Variants in FMNL3 observed in about 807,000 individuals in gnomAD.
FMNL3 encodes the protein formin-like protein 3.
Under a neutral mutation model 119.6 loss-of-function variants are expected in FMNL3, and 57 were observed. The observed-to-expected ratio is 0.48, with a 90% CI of 0.39 to 0.59. The LOEUF (loss-of-function observed/expected upper bound fraction) is 0.59, where lower values mean the gene tolerates loss of function less well. Among genes scored for constraint, FMNL3 ranks in the 20% least tolerant of loss-of-function variants. FMNL3 has a pLI of 0.00. For synonymous variants in FMNL3, 491 were observed against 507.3 expected, an observed-to-expected ratio of 0.97 and a Z score of 0.43; for missense variants, 1,053 against 1,323.5, an observed-to-expected ratio of 0.80 and a Z score of 3.17.
Position 49,637,649 on chromosome 12 carries a change from C to T in FMNL3, c.*8166G>A. ...TGCCCTGCCAGCCTCTCTGCACCCC[C>T]TACTACCGGCTCCTGTCCTCGGCCC... On this transcript the variant is annotated 3_prime_UTR_variant, in exon 26 of 26. Coordinates refer to ENST00000335154, the MANE Select transcript of FMNL3 (RefSeq NM_175736.5). The T allele has an allele frequency of 6.4e-7, 1 of 1,565,382 alleles. No individual in the cohort carries two copies. Among genetic ancestry groups the T allele is most frequent in the East Asian group, 2.2e-5 (1 of 44,514 alleles).
chr12:49,685,935 C>T (rs1338888468), intron 1 of FMNL3, among the ~76,000 whole-genome samples: 1 of 152,012 alleles, frequency 6.6e-6, no homozygotes, highest in African/African-American at 2.4e-5. Context: ...GGCTTGGTGG[C>T]GGGCGCCTGT....
intron 25 of FMNL3, among the ~76,000 whole-genome samples, chr12:49,646,167 C>G (rs897627433): frequency 6.6e-6 from 1 of 152,064 alleles, no homozygotes; most frequent in African/African-American, 2.4e-5. Context: ...TCAGAAAGAG[C>G]CAGAAACTAG....
At chr12:49,663,201 C>T (rs182400975) in intron 4 of FMNL3, among the ~76,000 whole-genome samples, 1 of 152,238 alleles carries the variant, frequency 6.6e-6, no homozygotes, top group Non-Finnish European at 1.5e-5. Context: ...CTCCCCACCC[C>T]CTTCTCATTT....
rs572965631 is a variant in FMNL3 at position 49,698,178 on chromosome 12, CAG to C, written c.126+8875_126+8876del. On this transcript the variant is annotated intron_variant, in intron 1 of 25. Transcript: ENST00000335154. ...CTGAATTTGAGTAGAAATGAGCAAA[CAG>C]GGGAGAAACAAAGTACGTATCTTCC... Among the ~76,000 whole-genome samples the C allele has an allele frequency of 9.3e-4, 142 of 152,230 alleles. 1 individual carries two copies. In the Middle Eastern group the frequency reaches 0.017, roughly 18 times the overall value.
At position 49,657,110 on chromosome 12, in the gene FMNL3, A is replaced by G; in HGVS notation, c.686T>C (p.Leu229Pro). 6.2e-7 allele frequency: 1 copy of G among 1,614,152 alleles called. No homozygotes were observed. Among genetic ancestry groups the G allele is most frequent in the Non-Finnish European group, 8.5e-7 (1 of 1,180,028 alleles). ...SQKDDVHVCI[L>P]CLRAIMNYQY... The stretch of plus-strand genomic sequence containing the variant: ...ATAGTTCATGATGGCTCTGAGACAA[A>G]GGATACAGACGTGGACGTCATCCTT... The change falls in exon 7 of 26, where the codon CTT (leucine) becomes CCT (proline). Residue 229 changes from leucine to proline, a missense_variant. This residue lies in a region of FMNL3 where 445 missense variants were observed against 628.4 expected (regional missense o/e 0.71). Transcript: ENST00000335154.
Position 49,636,598 on chromosome 12 carries a change from C to G in FMNL3, c.*9217G>C. On this transcript the variant is annotated 3_prime_UTR_variant, in exon 26 of 26. Transcript: ENST00000335154. ...CAGAGCCCCCTCCAGGCCCTTCCCC[C>G]ACCACCCTGGGTATCCCTAGCACCT... The G allele has an allele frequency of 6.9e-7, 1 of 1,439,734 alleles. No individual in the cohort carries two copies. Among genetic ancestry groups the G allele is most frequent in the Non-Finnish European group, 9.5e-7 (1 of 1,050,376 alleles). 89.2% of individuals were successfully genotyped at this position (1,439,734 alleles called of 1,614,324 possible).
In FMNL3 at chr12:49,647,855, G is replaced by A. The variant is rs750555632; in HGVS notation, c.2677-51C>T. On this transcript the variant is annotated intron_variant, in intron 22 of 25. Transcript: ENST00000335154. The surrounding 1 kb of genome is among the most constrained non-coding windows in gnomAD (Gnocchi z 4.9). ...TCACCCTGGCAGGAAGATCAGCCCAGCTCCCACACCACGGATGAGAGGCCT... is the reference window on the plus strand; with the variant it reads ...TCACCCTGGCAGGAAGATCAGCCCAACTCCCACACCACGGATGAGAGGCCT... 10 of 1,407,552 alleles carry A rather than the reference G, an allele frequency of 7.1e-6. No individual in the cohort carries two copies. Among genetic ancestry groups the A allele is most frequent in the Admixed American group, 1.7e-5 (1 of 58,894 alleles). 87.2% of individuals were successfully genotyped at this position (1,407,552 alleles called of 1,614,324 possible). A position where few individuals can be genotyped will look rare whatever the true frequency, so the allele number is the denominator to read the frequency against.
At chr12:49,681,768 G>C (rs1944342342) in intron 1 of FMNL3, among the ~76,000 whole-genome samples, 1 of 149,296 alleles carries the variant, frequency 6.7e-6, no homozygotes, top group Non-Finnish European at 1.5e-5. Flanking sequence ...ATGTTGCCCA[G>C]GCTGAACTTG....
At chr12:49,650,976 T>C in intron 16 of FMNL3, 98 bp from the exon 17 acceptor site, 1 of 1,492,958 alleles carries the variant, frequency 6.7e-7, no homozygotes, top group South Asian at 1.2e-5. Flanking sequence ...TCTGTCACTC[T>C]GGAATATTTC....
chr12:49,646,544 G>T, intron 25 of FMNL3: 1 of 980,662 alleles, frequency 1.0e-6, no homozygotes, highest in Non-Finnish European at 1.5e-6. Flanking sequence ...GCCAGAGGGT[G>T]ATTGCAAGTC....
chr12:49,644,165 C>A lies in FMNL3; in HGVS notation c.*1650G>T, dbSNP rs1256235403. 6.2e-7 allele frequency: 1 copy of A among 1,614,104 alleles called. No individual in the cohort carries two copies. The highest frequency in any genetic ancestry group is 1.1e-5 in the South Asian group (1 of 91,078). On this transcript the variant is annotated 3_prime_UTR_variant, in exon 26 of 26. Coordinates refer to ENST00000335154, the MANE Select transcript of FMNL3 (RefSeq NM_175736.5). The stretch of plus-strand genomic sequence containing the variant: ...AGCTGGAGAGGCGGCGGCGGACACT[C>A]CTACAGCAGCTGGATGATCACCAGT...
intron 1 of FMNL3, among the ~76,000 whole-genome samples, chr12:49,675,532 A>T (rs919442986): frequency 5.3e-5 from 8 of 152,196 alleles, no homozygotes; most frequent in African/African-American, 1.9e-4. Flanking sequence ...TTCTGGGGTC[A>T]CAACTCCCTT....
rs1285303014 is a variant in FMNL3 at position 49,640,946 on chromosome 12, A to G, written c.*4869T>C. 6.6e-6 allele frequency: 1 copy of G among 152,184 alleles called. No homozygotes were observed. 9.4% of individuals were successfully genotyped at this position (152,184 alleles called of 1,614,324 possible). A position where few individuals can be genotyped will look rare whatever the true frequency, so the allele number is the denominator to read the frequency against. On this transcript the variant is annotated 3_prime_UTR_variant, in exon 26 of 26. Coordinates refer to ENST00000335154, the MANE Select transcript of FMNL3 (RefSeq NM_175736.5). Reference sequence around the variant, plus strand: ...ATGCTGTGTTGATAAGGACTGTAGCAGGGTTGAGGAAGTACCCTTGGAAAG... The same window carrying G: ...ATGCTGTGTTGATAAGGACTGTAGCGGGGTTGAGGAAGTACCCTTGGAAAG...
Position 49,641,476 on chromosome 12 carries a change from A to C in FMNL3, c.*4339T>G, listed in dbSNP as rs1942640569. ...AGAACCAAGAGGATTAAATGAGATA[A>C]TGTGTGAAACACTCATCATGGTACC... On this transcript the variant is annotated 3_prime_UTR_variant, in exon 26 of 26. Transcript: ENST00000335154. 1 of 167,772 alleles carries C rather than the reference A, an allele frequency of 6.0e-6. No homozygotes were observed. Among genetic ancestry groups the C allele is most frequent in the Non-Finnish European group, 1.3e-5 (1 of 77,550 alleles). 10.4% of individuals were successfully genotyped at this position (167,772 alleles called of 1,614,324 possible). A position where few individuals can be genotyped will look rare whatever the true frequency, so the allele number is the denominator to read the frequency against.
At chr12:49,689,674 C>G (rs948142536) in intron 1 of FMNL3, among the ~76,000 whole-genome samples, 2 of 152,212 alleles carry the variant, frequency 1.3e-5, no homozygotes, top group African/African-American at 4.8e-5. Flanking sequence ...CATGATCACA[C>G]TATTGCACTT....
chr12:49,695,242 C>T lies in FMNL3; in HGVS notation c.126+11813G>A, dbSNP rs191076208. Among the ~76,000 whole-genome samples the T allele has an allele frequency of 6.9e-4, 105 of 152,152 alleles. 2 individuals carry two copies. The highest frequency in any genetic ancestry group is 6.8e-3 in the Middle Eastern group (2 of 294). On this transcript the variant is annotated intron_variant, in intron 1 of 25. Transcript: ENST00000335154. ...GAATCTGTTCTTCCCATCATGGTTC[C>T]TCCCCTAACCCTGAATCCCAGAGGT...
chr12:49,645,968 G>A, intron 25 of FMNL3, 65 bp from the exon 26 acceptor site: 1 of 1,461,248 alleles, frequency 6.8e-7, no homozygotes, highest in African/African-American at 1.4e-5. Context: ...GCCCTCAAGA[G>A]CAGCCCCACA....
At position 49,668,503 on chromosome 12, in the gene FMNL3, T is replaced by C; in HGVS notation, c.178A>G (p.Asn60Asp). 1 of 1,614,186 alleles carries C rather than the reference T, an allele frequency of 6.2e-7. No individual in the cohort carries two copies. The highest frequency in any genetic ancestry group is 8.5e-7 in the Non-Finnish European group (1 of 1,180,022). Residue 60 changes from asparagine (N) to aspartate (D), a missense_variant, in exon 2 of 26, where the codon AAT (asparagine) becomes GAT (aspartate). Coordinates refer to ENST00000335154, the MANE Select transcript of FMNL3 (RefSeq NM_175736.5). ...DKARLLRQYD[N>D]EKKWDLICDQ... ...CAGATCAGATCCCATTTCTTCTCAT[T>C]GTCATACTGCCGCAGGAGCCGGGCC...
At chr12:49,698,232 G>A (rs368281594) in intron 1 of FMNL3, among the ~76,000 whole-genome samples, 199 of 152,182 alleles carry the variant, frequency 1.3e-3, no homozygotes, top group South Asian at 0.011. Flanking sequence ...GGGACCCAGA[G>A]GTAAGATCAC....
Sources: gnomAD v4.1 joint callset for allele counts (sites outside exome capture counted in the v4.1 genomes callset) on GRCh38, gnomAD v4.1.1 for gene constraint, gnomAD v4.1.1 regional missense constraint, Gnocchi (gnomAD v3.1) non-coding constraint, MANE v1.5 for transcripts, NCBI Gene and HGNC (gene_info 2026-07-23, HGNC 2026-07-21) for gene names.